PTPRT: variants seen among roughly 807,000 people sequenced by gnomAD.
The protein encoded by PTPRT is protein tyrosine phosphatase receptor type T.
A neutral mutation model predicts 176.8 loss-of-function variants in PTPRT; 56 were observed. The observed-to-expected ratio is 0.32, with a 90% confidence interval of 0.26 to 0.40. PTPRT has a LOEUF of 0.40. Ranked by LOEUF, PTPRT falls within the 10% of genes least tolerant of loss-of-function variation. The probability of loss-of-function intolerance (pLI) is 1.00; values close to 1 mark genes in which losing one functional copy is unlikely to be tolerated. For synonymous variants in PTPRT, 783 were observed against 739.0 expected (o/e 1.06, Z -0.96); for missense variants, 1,540 against 1,908.2 (o/e 0.81, Z 3.60).
At chr20:42,842,693 TACAGGCATG>T (rs1407468310) in intron 2 of PTPRT, among the ~76,000 whole-genome samples, 1 of 152,218 alleles carries the variant, frequency 6.6e-6, no homozygotes, top group East Asian at 1.9e-4. Flanking sequence ...GTGCTGGTAT[TACAGGCATG>T]AGCCACTGAG....
intron 1 of PTPRT, among the ~76,000 whole-genome samples, chr20:42,946,707 T>C (rs556605668): frequency 6.6e-6 from 1 of 152,346 alleles, no homozygotes; most frequent in Non-Finnish European, 1.5e-5. Flanking sequence ...GGTATAATTC[T>C]TGCCCTAAAT....
At chr20:42,329,470 G>C (rs999800763) in intron 11 of PTPRT, among the ~76,000 whole-genome samples, 2 of 145,730 alleles carry the variant, frequency 1.4e-5, no homozygotes, top group Non-Finnish European at 3.0e-5. Flanking sequence ...CAAGAATATA[G>C]TGGCACACAC....
chr20:42,297,974 T>A (rs2057412329), intron 12 of PTPRT, among the ~76,000 whole-genome samples: 1 of 152,168 alleles, frequency 6.6e-6, no homozygotes. Flanking sequence ...AAAAACTTTT[T>A]AACTGTGATT....
chr20:42,426,633 T>C (rs957491836), intron 9 of PTPRT, among the ~76,000 whole-genome samples: 1 of 152,136 alleles, frequency 6.6e-6, no homozygotes, highest in African/African-American at 2.4e-5. Flanking sequence ...CACTGAGGTT[T>C]TGGGAGTTGC....
intron 1 of PTPRT, among the ~76,000 whole-genome samples, chr20:42,972,822 A>T (rs1445223208): frequency 6.6e-6 from 1 of 152,096 alleles, no homozygotes; most frequent in Non-Finnish European, 1.5e-5. Flanking sequence ...GTTGTCAAAA[A>T]TAACTTTCTG....
chr20:42,581,684 A>G (rs184832893), intron 7 of PTPRT, among the ~76,000 whole-genome samples: 12 of 152,360 alleles, frequency 7.9e-5, no homozygotes, highest in Admixed American at 2.6e-4. Flanking sequence ...AGGAAATAAA[A>G]CATGGAATGA....
intron 6 of PTPRT, among the ~76,000 whole-genome samples, chr20:42,690,372 T>C (rs3092449): frequency 0.17 from 25,263 of 152,022 alleles, 3,285 homozygotes; most frequent in African/African-American, 0.36. Context: ...GTCAATTACA[T>C]TGAGGAAAGA....
chr20:42,736,637 G>C (rs1284453820), intron 6 of PTPRT, among the ~76,000 whole-genome samples: 1 of 152,198 alleles, frequency 6.6e-6, no homozygotes, highest in Non-Finnish European at 1.5e-5. Context: ...GAATTTGTGT[G>C]GTCAAGAAAG....
In PTPRT at chr20:42,633,809, ATATATATAT is replaced by A. The variant is rs1569037175; in HGVS notation, c.1153+44048_1153+44056del. 7.3e-5 allele frequency among the ~76,000 whole-genome samples: 7 copies of A among 96,440 alleles called. 1 individual carries two copies. The highest frequency in any genetic ancestry group is 2.4e-4 in the African/African-American group (5 of 20,416). 63.3% of individuals were successfully genotyped at this position (96,440 alleles called of 152,430 possible). A position where few individuals can be genotyped will look rare whatever the true frequency, so the allele number is the denominator to read the frequency against. On this transcript the variant is annotated intron_variant, in intron 7 of 30. Coordinates refer to ENST00000373187, the MANE Select transcript of PTPRT (RefSeq NM_007050.6). The stretch of plus-strand genomic sequence containing the variant: ...AATATATATATATATATATATATAT[ATATATATAT>A]AATAAAATATTAATATATTATAATA...
intron 1 of PTPRT, among the ~76,000 whole-genome samples, chr20:42,947,078 T>C (rs956476894): frequency 9.9e-5 from 15 of 152,184 alleles, no homozygotes; most frequent in African/African-American, 3.4e-4. Context: ...TTTTGAGCCG[T>C]GCTTCCAAAA....
intron 1 of PTPRT, among the ~76,000 whole-genome samples, chr20:43,152,280 A>C (rs533924197): frequency 6.0e-4 from 91 of 152,306 alleles, no homozygotes; most frequent in African/African-American, 2.1e-3. Flanking sequence ...ACACAAACAG[A>C]TATCATTTTT....
At chr20:42,706,018 G>A (rs191254423) in intron 6 of PTPRT, among the ~76,000 whole-genome samples, 76 of 152,146 alleles carry the variant, frequency 5.0e-4, no homozygotes, top group African/African-American at 1.8e-3. Flanking sequence ...AGATTAGGGG[G>A]TGGGGAACAG....
intron 16 of PTPRT, among the ~76,000 whole-genome samples, chr20:42,188,500 G>C (rs541215018): frequency 6.6e-6 from 1 of 152,186 alleles, no homozygotes; most frequent in East Asian, 1.9e-4. Context: ...TCATAGCATT[G>C]TTGAGAATAT....
chr20:42,534,443 C>T lies in PTPRT; in HGVS notation c.1154-61881G>A, dbSNP rs566431545. ...GGTCAAGAGATCGAGATCATCCTGG[C>T]TAACATGGTGAAACCCCGTCTCTAC... On this transcript the variant is annotated intron_variant, in intron 7 of 30. Transcript: ENST00000373187. Among the ~76,000 whole-genome samples the T allele has an allele frequency of 3.2e-3, 481 of 152,110 alleles. 2 individuals are homozygous for T. The highest frequency in any genetic ancestry group is 5.4e-3 in the Non-Finnish European group (367 of 67,976).
chr20:42,663,533 A>G (rs2075262512), intron 7 of PTPRT, among the ~76,000 whole-genome samples: 1 of 152,056 alleles, frequency 6.6e-6, no homozygotes, highest in Non-Finnish European at 1.5e-5. Context: ...AATTTGACTG[A>G]TGTTCTAGAA....
chr20:42,626,599 C>T (rs1226790109), intron 7 of PTPRT, among the ~76,000 whole-genome samples: 1 of 152,174 alleles, frequency 6.6e-6, no homozygotes, highest in African/African-American at 2.4e-5. Flanking sequence ...CTGCCTTGAC[C>T]AGCCCCAGCT....
intron 9 of PTPRT, among the ~76,000 whole-genome samples, chr20:42,401,630 A>G (rs953560008): frequency 1.3e-5 from 2 of 152,146 alleles, no homozygotes; most frequent in Admixed American, 6.6e-5. Flanking sequence ...GATGAACCCA[A>G]TGTGAACTTA....
chr20:42,955,161 A>G (rs1342290135), intron 1 of PTPRT, among the ~76,000 whole-genome samples: 1 of 152,140 alleles, frequency 6.6e-6, no homozygotes, highest in Non-Finnish European at 1.5e-5. Flanking sequence ...ACATTTATTG[A>G]GCTTTTACTG....
At chr20:43,110,673 C>T (rs376871750) in intron 1 of PTPRT, among the ~76,000 whole-genome samples, 7 of 152,170 alleles carry the variant, frequency 4.6e-5, no homozygotes, top group African/African-American at 1.7e-4. Flanking sequence ...TTCAGTAAAA[C>T]GTTTATTAAA....
Sources: allele counts gnomAD v4.1 joint callset (sites outside exome capture counted in the v4.1 genomes callset), GRCh38; gene constraint gnomAD v4.1.1; transcripts MANE v1.5; gene names NCBI Gene and HGNC (gene_info 2026-07-23, HGNC 2026-07-21).